Variants in ACADM observed in about 807,000 individuals in gnomAD.
ACADM encodes acyl-CoA dehydrogenase medium chain, also known as medium-chain specific acyl-CoA dehydrogenase, mitochondrial.
ACADM carries 49 observed loss-of-function variants against 58.9 expected under a neutral mutation model. The observed-to-expected ratio is 0.83, with a 90% confidence interval of 0.66 to 1.06. ACADM has a LOEUF of 1.06. Among genes scored for constraint, ACADM ranks in the 50% least tolerant of loss-of-function variants. ACADM has a pLI of 0.00. For synonymous variants in ACADM, 160 were observed against 157.7 expected (o/e 1.01, Z -0.11); for missense variants, 496 against 507.0 (o/e 0.98, Z 0.21).
intron 1 of ACADM, 97 bp from the exon 2 acceptor site, chr1:75,728,304 C>A: frequency 1.1e-6 from 1 of 946,726 alleles, no homozygotes; most frequent in East Asian, 2.6e-5. Flanking sequence ...TGAGTATGGT[C>A]AAACCAGTTG....
At position 75,735,722 on chromosome 1, in the gene ACADM, G is replaced by T. The variant is rs544338420; in HGVS notation, c.468+851G>T. Among the ~76,000 whole-genome samples, 7 of 151,810 alleles carry T rather than the reference G, an allele frequency of 4.6e-5. No homozygotes were observed. In the East Asian group the frequency reaches 9.7e-4, roughly 21 times the overall value. Reference sequence around the variant, plus strand: ...ACAAAAATTAGCTGGATGTGGTGGCGCTTGCCAGCTACTTGGGAGGCTGAG... The same window carrying T: ...ACAAAAATTAGCTGGATGTGGTGGCTCTTGCCAGCTACTTGGGAGGCTGAG... On this transcript the variant is annotated intron_variant, in intron 6 of 11. Coordinates refer to ENST00000370841, the MANE Select transcript of ACADM (RefSeq NM_000016.6).
At chr1:75,751,198 A>G (rs1570894426) in intron 10 of ACADM, among the ~76,000 whole-genome samples, 1 of 150,824 alleles carries the variant, frequency 6.6e-6, no homozygotes, top group Non-Finnish European at 1.5e-5. Flanking sequence ...AAATTAGCCG[A>G]GCATGGTGGT....
chr1:75,756,809 A>G (rs1400603460), intron 10 of ACADM, among the ~76,000 whole-genome samples: 1 of 152,212 alleles, frequency 6.6e-6, no homozygotes, highest in Non-Finnish European at 1.5e-5. Flanking sequence ...ACTTCAAACT[A>G]TACTACAAGG....
At chr1:75,741,583 G>C (rs187146061) in intron 7 of ACADM, among the ~76,000 whole-genome samples, 68 of 152,190 alleles carry the variant, frequency 4.5e-4, no homozygotes, top group Middle Eastern at 6.8e-3. Context: ...GCAACATAAC[G>C]AGACCCCATC....
intron 1 of ACADM, among the ~76,000 whole-genome samples, chr1:75,725,275 T>A (rs540975109): frequency 1.3e-4 from 20 of 152,126 alleles, no homozygotes; most frequent in African/African-American, 4.6e-4. Flanking sequence ...CTGCAGAATT[T>A]TATGTGAACT....
At chr1:75,745,016 G>T (rs561114281) in intron 7 of ACADM, among the ~76,000 whole-genome samples, 2 of 152,176 alleles carry the variant, frequency 1.3e-5, no homozygotes, top group African/African-American at 4.8e-5. Flanking sequence ...ATCCTTGCAG[G>T]ATACATTCCA....
chr1:75,756,937 C>T (rs2100439385), intron 10 of ACADM, among the ~76,000 whole-genome samples: 1 of 152,228 alleles, frequency 6.6e-6, no homozygotes, highest in East Asian at 1.9e-4. Flanking sequence ...TTTGACAAAC[C>T]TGACAAACAC....
intron 1 of ACADM, 73 bp from the exon 2 acceptor site, chr1:75,728,328 T>G: frequency 2.4e-6 from 3 of 1,257,822 alleles, no homozygotes; most frequent in Non-Finnish European, 3.4e-6. Context: ...TACTCACTTA[T>G]GATTATCAGT....
Position 75,737,700 on chromosome 1 carries a change from G to A in ACADM, c.469-2280G>A, listed in dbSNP as rs754951948. On this transcript the variant is annotated intron_variant, in intron 6 of 11. Coordinates refer to ENST00000370841, the MANE Select transcript of ACADM (RefSeq NM_000016.6). ...ATGTTTTTATACCTCAGGTGCCTGG[G>A]AATCAACACCTTCTGAAACAGCATC... Among the ~76,000 whole-genome samples the A allele has an allele frequency of 9.9e-4, 150 of 152,032 alleles. 2 individuals are homozygous for A. The highest frequency in any genetic ancestry group is 1.5e-3 in the Admixed American group (23 of 15,266).
chr1:75,756,288 CAT>C (rs1300470431), intron 10 of ACADM, among the ~76,000 whole-genome samples: 2 of 152,170 alleles, frequency 1.3e-5, no homozygotes, highest in Non-Finnish European at 2.9e-5. Context: ...CCTGTTTGCA[CAT>C]GTCATGATTG....
chr1:75,740,057 G>A lies in ACADM; in HGVS notation c.546G>A (p.Glu182=). Reference sequence around the variant, plus strand: ...CCAAAGCAGAAAAGAAAGGAGATGAGTATATTATTAATGGTCAGAAGATGT... The same window carrying A: ...CCAAAGCAGAAAAGAAAGGAGATGAATATATTATTAATGGTCAGAAGATGT... ...IKTKAEKKGD[E]YIINGQKMWI... The change falls in exon 7 of 12, where the codon GAG becomes GAA. Residue 182 remains glutamate, a synonymous_variant. Coordinates refer to ENST00000370841, the MANE Select transcript of ACADM (RefSeq NM_000016.6). 2 of 1,612,454 alleles carry A rather than the reference G, an allele frequency of 1.2e-6. No individual in the cohort carries two copies. Among genetic ancestry groups the A allele is most frequent in the East Asian group, 2.2e-5 (1 of 44,752 alleles).
intron 10 of ACADM, among the ~76,000 whole-genome samples, chr1:75,754,724 T>A (rs1648401913): frequency 6.6e-6 from 1 of 152,240 alleles, no homozygotes; most frequent in Non-Finnish European, 1.5e-5. Flanking sequence ...GATTTCTGCA[T>A]TTCCAGCTGA....
chr1:75,739,193 G>T (rs1236770677), intron 6 of ACADM, among the ~76,000 whole-genome samples: 1 of 152,040 alleles, frequency 6.6e-6, no homozygotes, highest in Non-Finnish European at 1.5e-5. Flanking sequence ...TCCTTTTTGA[G>T]ACTTAATTTA....
intron 2 of ACADM, among the ~76,000 whole-genome samples, chr1:75,730,183 T>G (rs1647126192): frequency 6.6e-6 from 1 of 152,178 alleles, no homozygotes; most frequent in Non-Finnish European, 1.5e-5. Context: ...TTAGCCAGCA[T>G]GCCCAGCCAG....
chr1:75,744,427 G>T, intron 7 of ACADM: 2 of 1,492,460 alleles, frequency 1.3e-6, no homozygotes, highest in Non-Finnish European at 1.9e-6. Flanking sequence ...ATTTGCTGGT[G>T]ATGGAACCTG....
chr1:75,745,873 AT>A lies in ACADM; in HGVS notation c.669del (p.Ile223MetfsTer16). On this transcript the variant is annotated frameshift_variant, in exon 8 of 12. Coordinates refer to ENST00000370841, the MANE Select transcript of ACADM (RefSeq NM_000016.6). LOFTEE classifies it high-confidence loss of function. ...TGCTAATAAAGCCTTTACTGGATTC[AT>A]TGTGGAAGCAGATACCCCAGGAATT... The part of the protein sequence containing the change: ...APANKAFTGF[I>X]VEADTPGIQI... 1.9e-6 allele frequency: 3 copies of A among 1,613,930 alleles called. No individual in the cohort carries two copies. The highest frequency in any genetic ancestry group is 2.5e-6 in the Non-Finnish European group (3 of 1,179,900).
At chr1:75,750,847 C>G (rs111408593) in intron 10 of ACADM, 4 of 409,436 alleles carry the variant, frequency 9.8e-6, no homozygotes, top group Non-Finnish European at 1.8e-5. Context: ...CTCCCGAGTT[C>G]GAGTAATTCT....
At chr1:75,739,493 T>C (rs1364982190) in intron 6 of ACADM, among the ~76,000 whole-genome samples, 2 of 152,202 alleles carry the variant, frequency 1.3e-5, no homozygotes, top group Non-Finnish European at 2.9e-5. Flanking sequence ...TACCTATGCC[T>C]AATTTGAATT....
At chr1:75,754,193 G>A (rs571265889) in intron 10 of ACADM, among the ~76,000 whole-genome samples, 1 of 147,716 alleles carries the variant, frequency 6.8e-6, no homozygotes, top group South Asian at 2.2e-4. Context: ...TGTGCCCTTT[G>A]AAACTTCAGT....
Sources: gnomAD v4.1 joint callset for allele counts (sites outside exome capture counted in the v4.1 genomes callset) on GRCh38, gnomAD v4.1.1 for gene constraint, MANE v1.5 for transcripts, NCBI Gene and HGNC (gene_info 2026-07-23, HGNC 2026-07-21) for gene names.